The following GART variants were observed in gnomAD, a reference collection of about 807,000 sequenced individuals.
GART encodes the protein trifunctional purine biosynthetic protein adenosine-3.
Under a neutral mutation model 107.2 loss-of-function variants are expected in GART, and 43 were observed. The ratio of observed to expected loss-of-function variants is 0.40; its 90% CI spans 0.31 to 0.52. The LOEUF is 0.52. Ranked by LOEUF, GART falls within the 20% of genes least tolerant of loss-of-function variation. The pLI is 0.52. For missense variants in GART, 1,107 were observed against 1,206.5 expected, an observed-to-expected ratio of 0.92 and a Z score of 1.22; for synonymous variants, 434 against 427.0, an observed-to-expected ratio of 1.02 and a Z score of -0.20.
At chr21:33,528,991 T>A in intron 7 of GART, 54 bp from the exon 8 acceptor site, 3 of 1,197,122 alleles carry the variant, frequency 2.5e-6, no homozygotes, top group Non-Finnish European at 3.7e-6. Context: ...AAAGTCTAAG[T>A]AGTATTACAT....
At chr21:33,509,710 A>G in intron 18 of GART, 73 bp downstream of exon 18, 1 of 1,495,152 alleles carries the variant, frequency 6.7e-7, no homozygotes, top group Non-Finnish European at 9.1e-7. Flanking sequence ...GTAACCTTAC[A>G]ATCTCACAAG....
Position 33,522,230 on chromosome 21 carries a change from C to G in GART, c.1351G>C (p.Val451Leu), listed in dbSNP as rs754803485. 1 of 1,613,948 alleles carries G rather than the reference C, an allele frequency of 6.2e-7. No homozygotes were observed. Among genetic ancestry groups the G allele is most frequent in the Admixed American group, 1.7e-5 (1 of 60,016 alleles). The part of the protein sequence containing the change: ...GVDIAAGNML[V>L]KKIQPLAKAT... ...TTTGCTAAAGGCTGAATTTTCTTGA[C>G]CAGCATATTTCCAGCTGCGATATCT... Residue 451 changes from valine to leucine, a missense_variant, in exon 12 of 22, where the codon GTC becomes CTC. Coordinates refer to ENST00000381815, the MANE Select transcript of GART (RefSeq NM_000819.5).
At chr21:33,520,250 T>C (rs918885156) in intron 14 of GART, 114 bp downstream of exon 14, 1 of 822,658 alleles carries the variant, frequency 1.2e-6, no homozygotes, top group African/African-American at 1.7e-5. Flanking sequence ...CATATATGCA[T>C]CTTGTGATAT....
intron 11 of GART, chr21:33,524,467 G>C (rs1230923872): frequency 1.5e-6 from 1 of 682,814 alleles, no homozygotes; most frequent in East Asian, 1.2e-4. Flanking sequence ...ATGAGAACTT[G>C]GGCGAGAGAG....
intron 4 of GART, among the ~76,000 whole-genome samples, chr21:33,532,770 CA>C (rs2085217971): frequency 6.6e-6 from 1 of 152,012 alleles, no homozygotes; most frequent in South Asian, 2.1e-4. Context: ...TACAAAGTAG[CA>C]AATAGTACTC....
At chr21:33,509,050 G>A (rs1258858863) in intron 18 of GART, 3 of 152,018 alleles carry the variant, frequency 2.0e-5, no homozygotes, top group East Asian at 1.9e-4. Flanking sequence ...CCTTAAGATC[G>A]ACCTGTAAAG....
In GART at chr21:33,506,116, GA is replaced by G. The variant is rs1433132930; in HGVS notation, c.2453-13del. 6.2e-7 allele frequency: 1 copy of G among 1,608,338 alleles called. No individual in the cohort carries two copies. The highest frequency in any genetic ancestry group is 8.5e-7 in the Non-Finnish European group (1 of 1,177,776). On this transcript the variant is annotated splice_polypyrimidine_tract_variant and intron_variant, in intron 18 of 21. Coordinates refer to ENST00000381815, the MANE Select transcript of GART (RefSeq NM_000819.5). ...TTGCAGGTTCGATCCTGAGAAGGGA[GA>G]AAAACAGCAGTGAGCTCATACTACT...
intron 20 of GART, 97 bp from the exon 21 acceptor site, chr21:33,504,624 A>C (rs1339266410): frequency 1.2e-6 from 1 of 844,432 alleles, no homozygotes; most frequent in Non-Finnish European, 1.9e-6. Flanking sequence ...GTCAAACAGG[A>C]GTTGGATTTC....
At chr21:33,514,197 C>T (rs1401652888) in intron 16 of GART, among the ~76,000 whole-genome samples, 5 of 152,092 alleles carry the variant, frequency 3.3e-5, no homozygotes, top group East Asian at 1.9e-4. Flanking sequence ...GAACCCAGGA[C>T]GTTGGGGCAA....
intron 17 of GART, 135 bp downstream of exon 17, chr21:33,511,117 A>T: frequency 2.4e-6 from 2 of 846,708 alleles, no homozygotes; most frequent in South Asian, 1.5e-5. Context: ...CTGTCATGTT[A>T]CATCTGTGTA....
chr21:33,530,793 G>A lies in GART; in HGVS notation c.689C>T (p.Thr230Ile). 2.0e-6 allele frequency: 3 copies of A among 1,530,432 alleles called. No individual in the cohort carries two copies. Among genetic ancestry groups the A allele is most frequent in the Non-Finnish European group, 2.6e-6 (3 of 1,145,514 alleles). 94.8% of individuals were successfully genotyped at this position (1,530,432 alleles called of 1,614,324 possible). ...RLLEGDGGPN[T>I]GGMGAYCPAP... ...TGGACAATAGGCTCCCATTCCCCCT[G>A]TGTTAGGGCCACCATCTCCCTCCAG... Residue 230 changes from threonine to isoleucine, a missense_variant, in exon 7 of 22, where the codon ACA becomes ATA. By Grantham distance (89) the Thr-to-Ile change is moderately conservative (BLOSUM62 -1). Transcript: ENST00000381815.
chr21:33,515,326 TCTGA>T (rs2084854451), intron 16 of GART, among the ~76,000 whole-genome samples: 2 of 152,158 alleles, frequency 1.3e-5, no homozygotes. Flanking sequence ...GAAAAGTTTC[TCTGA>T]CTTTATTTTA....
At chr21:33,520,007 G>A (rs2084941572) in intron 14 of GART, among the ~76,000 whole-genome samples, 1 of 151,998 alleles carries the variant, frequency 6.6e-6, no homozygotes, top group Non-Finnish European at 1.5e-5. Context: ...GAACCCATCT[G>A]CCTGTACCGT....
intron 7 of GART, among the ~76,000 whole-genome samples, chr21:33,530,237 C>T (rs758327536): frequency 1.1e-4 from 16 of 152,338 alleles, no homozygotes; most frequent in Admixed American, 2.0e-4. Context: ...TGTTTGGAAA[C>T]GTGTTGTCTG....
In GART at chr21:33,504,052, C is replaced by A; in HGVS notation, c.*72G>T. 7.2e-7 allele frequency: 1 copy of A among 1,395,746 alleles called. No individual in the cohort carries two copies. Among genetic ancestry groups the A allele is most frequent in the Non-Finnish European group, 9.7e-7 (1 of 1,032,018 alleles). 86.5% of individuals were successfully genotyped at this position (1,395,746 alleles called of 1,614,324 possible). A position where few individuals can be genotyped will look rare whatever the true frequency, so the allele number is the denominator to read the frequency against. On this transcript the variant is annotated 3_prime_UTR_variant, in exon 22 of 22. Coordinates refer to ENST00000381815, the MANE Select transcript of GART (RefSeq NM_000819.5). ...AGCAGTTTTTCTTTTGGGCCAAGTC[C>A]ATGATAAAAAACCACCATGCAAACA...
At chr21:33,513,722 A>C (rs2084830441) in intron 16 of GART, among the ~76,000 whole-genome samples, 1 of 152,342 alleles carries the variant, frequency 6.6e-6, no homozygotes, top group East Asian at 1.9e-4. Context: ...AGTTAAAAGT[A>C]AATAGCAACT....
rs527354399 is a variant in GART, at chr21:33,531,347, A to G, written c.597+142T>C. 6.5e-5 allele frequency: 48 copies of G among 736,094 alleles called. No homozygotes were observed. In the African/African-American group the frequency reaches 8.2e-4, roughly 13 times the overall value. 45.6% of individuals were successfully genotyped at this position (736,094 alleles called of 1,614,324 possible). A position where few individuals can be genotyped will look rare whatever the true frequency, so the allele number is the denominator to read the frequency against. ...TTTTTTCATTTGCACCCCCAACAATAAAAGTATACAAATTCCTTTGTAACT... is the reference window on the plus strand; with the variant it reads ...TTTTTTCATTTGCACCCCCAACAATGAAAGTATACAAATTCCTTTGTAACT... On this transcript the variant is annotated intron_variant, in intron 6 of 21. Coordinates refer to ENST00000381815, the MANE Select transcript of GART (RefSeq NM_000819.5).
Position 33,539,362 on chromosome 21 carries a change from G to C in GART, c.-41-6C>G. Reference sequence around the variant, plus strand: ...ATTCCAAAGGAAAATGAAACCTGCAGAAAGAAAACCACAGTTTATATCTTA... The same window carrying C: ...ATTCCAAAGGAAAATGAAACCTGCACAAAGAAAACCACAGTTTATATCTTA... On this transcript the variant is annotated splice_region_variant and splice_polypyrimidine_tract_variant and intron_variant, in intron 1 of 21. Transcript: ENST00000381815. 2 of 1,583,992 alleles carry C rather than the reference G, an allele frequency of 1.3e-6. No individual in the cohort carries two copies. Among genetic ancestry groups the C allele is most frequent in the Non-Finnish European group, 1.7e-6 (2 of 1,168,446 alleles).
chr21:33,517,767 C>G lies in GART; in HGVS notation c.1703-159G>C, dbSNP rs114382258. 8.3e-3 allele frequency among the ~76,000 whole-genome samples: 1,267 copies of G among 152,332 alleles called. 22 individuals carry two copies. Among genetic ancestry groups the G allele is most frequent in the African/African-American group, 0.029 (1,220 of 41,580 alleles). On this transcript the variant is annotated intron_variant, in intron 14 of 21. Transcript: ENST00000381815. ...ACCAGCTGTCTAACAGAACTTTCCA[C>G]CAAGCATGATTTCAGGAGAAATAGC...
Sources: allele counts gnomAD v4.1 joint callset (sites outside exome capture counted in the v4.1 genomes callset), GRCh38; gene constraint gnomAD v4.1.1; transcripts MANE v1.5; gene names NCBI Gene and HGNC (gene_info 2026-07-23, HGNC 2026-07-21).